Variants in CACNA1E observed in about 807,000 individuals in gnomAD.
The protein encoded by CACNA1E is calcium voltage-gated channel subunit alpha1 E.
CACNA1E carries 40 observed loss-of-function variants against 259.2 expected under a neutral mutation model. The ratio of observed to expected loss-of-function variants is 0.15; its 90% CI spans 0.12 to 0.20. The LOEUF (loss-of-function observed/expected upper bound fraction) is 0.20. CACNA1E is among the 10% of genes least tolerant of loss of function. The pLI, the probability that CACNA1E is intolerant of heterozygous loss-of-function variation, is 1.00. For missense variants in CACNA1E, 1,874 were observed against 3,040.1 expected, an observed-to-expected ratio of 0.62 and a Z score of 9.02; for synonymous variants, 1,104 against 1,138.5, an observed-to-expected ratio of 0.97 and a Z score of 0.61.
intron 2 of CACNA1E, among the ~76,000 whole-genome samples, chr1:181,437,138 A>G (rs762718364): frequency 2.6e-5 from 4 of 152,222 alleles, no homozygotes; most frequent in African/African-American, 4.8e-5. Context: ...CTTCTCTGAC[A>G]TGTGGTCACC....
At chr1:181,740,442 C>T (rs1334971863) in intron 25 of CACNA1E, among the ~76,000 whole-genome samples, 4 of 151,404 alleles carry the variant, frequency 2.6e-5, no homozygotes, top group Non-Finnish European at 4.4e-5. Context: ...GCACTGTCAG[C>T]TGCTGTCTCT....
At chr1:181,744,855 A>C (rs1656910521) in intron 25 of CACNA1E, among the ~76,000 whole-genome samples, 1 of 152,224 alleles carries the variant, frequency 6.6e-6, no homozygotes, top group South Asian at 2.1e-4. Flanking sequence ...ATTAAAATTA[A>C]ATTTAGCCGT....
intron 1 of CACNA1E, among the ~76,000 whole-genome samples, chr1:181,492,535 T>C (rs909196235): frequency 1.3e-5 from 2 of 152,206 alleles, no homozygotes; most frequent in African/African-American, 4.8e-5. Context: ...TTGTCATGTA[T>C]CAGGTGATAT....
intron 6 of CACNA1E, among the ~76,000 whole-genome samples, chr1:181,596,536 T>C (rs1388076555): frequency 1.4e-5 from 2 of 138,954 alleles, no homozygotes; most frequent in East Asian, 2.3e-4. Flanking sequence ...CTCCAGAGAG[T>C]AGTCTTCCAC....
chr1:181,716,298 A>T (rs961085504), intron 10 of CACNA1E, among the ~76,000 whole-genome samples, 169 bp downstream of exon 10: 110 of 142,528 alleles, frequency 7.7e-4, no homozygotes, highest in African/African-American at 2.7e-3. Flanking sequence ...GATTTATTTA[A>T]AAAAAAAAAA....
Position 181,661,295 on chromosome 1 carries a change from G to A in CACNA1E, c.1055+9854G>A, listed in dbSNP as rs1647646915. 1.4e-4 allele frequency among the ~76,000 whole-genome samples: 22 copies of A among 152,212 alleles called. 1 individual carries two copies. Among genetic ancestry groups the A allele is most frequent in the Admixed American group, 1.4e-3 (22 of 15,284 alleles). ...GGTACATAGAGAAGCAAGACTGGAA[G>A]CAAACAGAGAGGAGCAGCAGTTCAG... On this transcript the variant is annotated intron_variant, in intron 7 of 47. Coordinates refer to ENST00000367573, the MANE Select transcript of CACNA1E (RefSeq NM_001205293.3).
chr1:181,701,106 A>G (rs935819254), intron 7 of CACNA1E, among the ~76,000 whole-genome samples: 3 of 152,204 alleles, frequency 2.0e-5, no homozygotes, highest in Admixed American at 1.3e-4. Context: ...TTATCTGGGG[A>G]TGTTTAACAA....
At chr1:181,622,886 C>T (rs976006567) in intron 6 of CACNA1E, among the ~76,000 whole-genome samples, 3 of 152,136 alleles carry the variant, frequency 2.0e-5, no homozygotes, top group Admixed American at 6.6e-5. Flanking sequence ...TTAAAAAAAC[C>T]GCGACAGCCC....
chr1:181,783,449 T>C (rs994938287), intron 39 of CACNA1E, among the ~76,000 whole-genome samples: 1 of 152,152 alleles, frequency 6.6e-6, no homozygotes, highest in Non-Finnish European at 1.5e-5. Context: ...TTTGGCATCA[T>C]TCCCTTGGTG....
At chr1:181,385,956 G>C (rs1473746152) in intron 1 of CACNA1E, among the ~76,000 whole-genome samples, 2 of 151,962 alleles carry the variant, frequency 1.3e-5, no homozygotes, top group African/African-American at 4.8e-5. Flanking sequence ...ATACTGAAGA[G>C]AGTAGAGATA....
intron 6 of CACNA1E, among the ~76,000 whole-genome samples, chr1:181,626,739 C>T (rs1021302797): frequency 6.6e-6 from 1 of 152,296 alleles, no homozygotes; most frequent in African/African-American, 2.4e-5. Flanking sequence ...ATTTATGATT[C>T]ACTTTCTCTT....
intron 3 of CACNA1E, among the ~76,000 whole-genome samples, chr1:181,535,976 C>G (rs1668142443): frequency 1.3e-5 from 2 of 152,182 alleles, no homozygotes; most frequent in Non-Finnish European, 2.9e-5. Flanking sequence ...CATGAGCCAC[C>G]ATGCCTGGCC....
chr1:181,430,977 AACAC>A (rs1156644987), intron 2 of CACNA1E, among the ~76,000 whole-genome samples: 1 of 152,194 alleles, frequency 6.6e-6, no homozygotes, highest in Admixed American at 6.5e-5. Context: ...GATTTCTAGA[AACAC>A]ACACACATGC....
At chr1:181,780,365 G>A (rs1473410974) in intron 38 of CACNA1E, among the ~76,000 whole-genome samples, 1 of 152,190 alleles carries the variant, frequency 6.6e-6, no homozygotes, top group Admixed American at 6.5e-5. Context: ...GCCATACCCA[G>A]GGAATTCTCT....
At chr1:181,762,256 A>G (rs1212058751) in intron 32 of CACNA1E, among the ~76,000 whole-genome samples, 1 of 152,262 alleles carries the variant, frequency 6.6e-6, no homozygotes, top group Non-Finnish European at 1.5e-5. Flanking sequence ...AGAGGTTTTT[A>G]AATACATAAA....
chr1:181,392,661 G>A (rs1267829740), intron 1 of CACNA1E, among the ~76,000 whole-genome samples: 1 of 152,224 alleles, frequency 6.6e-6, no homozygotes, highest in Non-Finnish European at 1.5e-5. Context: ...AGAAGAAGCT[G>A]AGCAGGTAGA....
chr1:181,486,445 C>T (rs933412733), intron 1 of CACNA1E, among the ~76,000 whole-genome samples: 7 of 152,210 alleles, frequency 4.6e-5, no homozygotes, highest in Non-Finnish European at 8.8e-5. Context: ...CATTGGGCTT[C>T]CGTGGGAAAC....
rs190133444 is a variant in CACNA1E, at chr1:181,425,923, A to C, written c.434+12343A>C. Among the ~76,000 whole-genome samples the C allele has an allele frequency of 3.2e-3, 487 of 152,160 alleles. 1 individual carries two copies. The highest frequency in any genetic ancestry group is 5.5e-3 in the Non-Finnish European group (377 of 67,986). ...TTGCAGACCCTCTGCAGCTGTGCTC[A>C]CATCCCACTACTCAGCCTCACTGCT... On this transcript the variant is annotated intron_variant, in intron 2 of 11. Transcript: ENST00000524607.
chr1:181,404,276 T>TC, intron 1 of CACNA1E, among the ~76,000 whole-genome samples: 1 of 152,330 alleles, frequency 6.6e-6, no homozygotes, highest in Admixed American at 6.5e-5. Context: ...ATGTGGGCAC[T>TC]TTCAATTGGA....
Sources: gnomAD v4.1 joint callset for allele counts (sites outside exome capture counted in the v4.1 genomes callset) on GRCh38, gnomAD v4.1.1 for gene constraint, MANE v1.5 for transcripts, NCBI Gene and HGNC (gene_info 2026-07-23, HGNC 2026-07-21) for gene names.